Variants in CA2 observed in about 807,000 individuals in gnomAD.
CA2 encodes the protein carbonic anhydrase 2.
CA2 carries 23 observed loss-of-function variants against 27.8 expected under a neutral mutation model. The ratio of observed to expected loss-of-function variants is 0.83; its 90% CI spans 0.59 to 1.17. The LOEUF is 1.17. CA2 is among the 50% of genes most tolerant of loss of function. The probability of loss-of-function intolerance (pLI) is 0.00; values close to 1 mark genes in which losing one functional copy is unlikely to be tolerated. For missense variants in CA2, 300 were observed against 314.7 expected, an observed-to-expected ratio of 0.95 and a Z score of 0.35; for synonymous variants, 99 against 114.9, an observed-to-expected ratio of 0.86 and a Z score of 0.88.
chr8:85,471,722 G>A (rs1010623300), intron 2 of CA2, among the ~76,000 whole-genome samples: 7 of 151,598 alleles, frequency 4.6e-5, no homozygotes, highest in African/African-American at 1.7e-4. Context: ...GCTTTAAAGA[G>A]TTATTATAAA....
intron 1 of CA2, 197 bp downstream of exon 1, chr8:85,464,312 T>G: frequency 2.1e-6 from 1 of 479,460 alleles, no homozygotes. Context: ...GATGTCCCCC[T>G]TGCCCCAGCT....
chr8:85,472,810 G>T (rs1012456956), intron 2 of CA2, among the ~76,000 whole-genome samples: 2 of 151,862 alleles, frequency 1.3e-5, no homozygotes, highest in Non-Finnish European at 2.9e-5. Context: ...GGGAAACAAG[G>T]CAAGACTCTG....
Position 85,465,256 on chromosome 8 carries a change from G to A in CA2, c.35-16G>A, listed in dbSNP as rs1229793820. 1 of 1,606,414 alleles carries A rather than the reference G, an allele frequency of 6.2e-7. No individual in the cohort carries two copies. The highest frequency in any genetic ancestry group is 8.5e-7 in the Non-Finnish European group (1 of 1,173,038). On this transcript the variant is annotated splice_polypyrimidine_tract_variant and intron_variant, in intron 1 of 6. Coordinates refer to ENST00000285379, the MANE Select transcript of CA2 (RefSeq NM_000067.3). Reference sequence around the variant, plus strand: ...TTTCCCCACAATGGGGGATTCACATGTCTTCTTTCCCCCAGGACCTGAGCA... The same window carrying A: ...TTTCCCCACAATGGGGGATTCACATATCTTCTTTCCCCCAGGACCTGAGCA...
chr8:85,467,331 AG>A (rs1811645240), intron 2 of CA2, among the ~76,000 whole-genome samples: 1 of 152,196 alleles, frequency 6.6e-6, no homozygotes, highest in Non-Finnish European at 1.5e-5. Context: ...AGACTTTGGG[AG>A]TAATACTGTC....
intron 4 of CA2, chr8:85,474,656 A>T: frequency 3.8e-6 from 2 of 523,182 alleles, no homozygotes; most frequent in Non-Finnish European, 6.9e-6. Context: ...GAACATAAAG[A>T]GATCAACTTG....
Position 85,473,631 on chromosome 8 carries a change from G to A in CA2, c.233-62G>A. ...TGTGTATGTATGTGTGTATACCTATGTATATATGTGTATGCAGATACATAC... is the reference window on the plus strand; with the variant it reads ...TGTGTATGTATGTGTGTATACCTATATATATATGTGTATGCAGATACATAC... On this transcript the variant is annotated intron_variant, in intron 2 of 6. Coordinates refer to ENST00000285379, the MANE Select transcript of CA2 (RefSeq NM_000067.3). 1.4e-5 allele frequency: 11 copies of A among 783,702 alleles called. No individual in the cohort carries two copies. In the South Asian group the frequency reaches 1.5e-4, roughly 11 times the overall value. 48.5% of individuals were successfully genotyped at this position (783,702 alleles called of 1,614,324 possible).
chr8:85,474,056 T>A, intron 3 of CA2: 2 of 605,102 alleles, frequency 3.3e-6, no homozygotes, highest in Non-Finnish European at 5.8e-6. Flanking sequence ...TGGAGGATCC[T>A]GTTTTAACAG....
At chr8:85,470,588 A>G (rs1811700606) in intron 2 of CA2, among the ~76,000 whole-genome samples, 3 of 152,164 alleles carry the variant, frequency 2.0e-5, no homozygotes, top group Admixed American at 6.5e-5. Flanking sequence ...TTTAATTTGT[A>G]TAAGTAATGT....
At chr8:85,477,005 A>C in intron 5 of CA2, 115 bp from the exon 6 acceptor site, 1 of 976,728 alleles carries the variant, frequency 1.0e-6, no homozygotes, top group East Asian at 2.4e-5. Context: ...CCTCTTTTTT[A>C]AAAAGTGTTT....
At chr8:85,465,867 C>A (rs569172447) in intron 2 of CA2, among the ~76,000 whole-genome samples, 7 of 152,098 alleles carry the variant, frequency 4.6e-5, no homozygotes, top group Non-Finnish European at 8.8e-5. Context: ...TCTTAGTGAG[C>A]CTTATCTTCA....
Position 85,474,009 on chromosome 8 carries a change from C to T in CA2, c.351+198C>T, listed in dbSNP as rs1586015160. ...GCTGCAAAACTTTCTCTACTGTCTCCAACTCCACCATTTGCAAAAAGTAAA... is the reference window on the plus strand; with the variant it reads ...GCTGCAAAACTTTCTCTACTGTCTCTAACTCCACCATTTGCAAAAAGTAAA... On this transcript the variant is annotated intron_variant, in intron 3 of 6. Coordinates refer to ENST00000285379, the MANE Select transcript of CA2 (RefSeq NM_000067.3). The T allele has an allele frequency of 4.9e-6, 3 of 611,678 alleles. No homozygotes were observed. The East Asian group carries it at 8.3e-5, about 17-fold the overall frequency. 37.9% of individuals were successfully genotyped at this position (611,678 alleles called of 1,614,324 possible).
At chr8:85,472,035 C>A (rs1217694548) in intron 2 of CA2, among the ~76,000 whole-genome samples, 1 of 152,096 alleles carries the variant, frequency 6.6e-6, no homozygotes, top group Non-Finnish European at 1.5e-5. Context: ...GCAGATCTGG[C>A]AGCCAGAGGT....
chr8:85,464,165 GAT>G, intron 1 of CA2, 50 bp downstream of exon 1: 2 of 1,478,238 alleles, frequency 1.4e-6, no homozygotes, highest in Non-Finnish European at 9.1e-7. Flanking sequence ...CCCGATCCCC[GAT>G]CCCCGATCCC....
At chr8:85,464,912 A>G (rs571031455) in intron 1 of CA2, 1 of 258,536 alleles carries the variant, frequency 3.9e-6, no homozygotes, top group South Asian at 4.7e-5. Flanking sequence ...GTGAGCTTGC[A>G]TATCCCAAAA....
chr8:85,466,681 C>CACACACACACATACAT (rs1811636340), intron 2 of CA2, among the ~76,000 whole-genome samples: 1 of 24,742 alleles, frequency 4.0e-5, no homozygotes, highest in Non-Finnish European at 8.8e-5. Flanking sequence ...TACATACATA[C>CACACACACACATACAT]ACACACACAC....
At chr8:85,464,677 C>T (rs750427946) in intron 1 of CA2, 1 of 153,942 alleles carries the variant, frequency 6.5e-6, no homozygotes, top group Non-Finnish European at 1.4e-5. Flanking sequence ...CTTCATCTCT[C>T]GACTTCTAAT....
intron 4 of CA2, among the ~76,000 whole-genome samples, chr8:85,474,927 A>G (rs1308431437): frequency 6.6e-6 from 1 of 152,156 alleles, no homozygotes; most frequent in African/African-American, 2.4e-5. Context: ...GTACAGCACG[A>G]AGAGGGAGAT....
chr8:85,471,073 T>C (rs1458420184), intron 2 of CA2, among the ~76,000 whole-genome samples: 1 of 152,152 alleles, frequency 6.6e-6, no homozygotes, highest in East Asian at 1.9e-4. Context: ...AGATCCAGAA[T>C]ATAGCATAAA....
At position 85,477,223 on chromosome 8, in the gene CA2, A is replaced by T; in HGVS notation, c.611A>T (p.Glu204Val). ...PGSLTTPPLL[E>V]CVTWIVLKEP... ...TCACTGACCACCCCTCCTCTTCTGG[A>T]ATGTGTGACCTGGATTGTGCTCAAG... The change falls in exon 6 of 7, where the codon GAA becomes GTA. Residue 204 changes from glutamate (E) to valine (V), a missense_variant. Glu to Val is a moderately radical substitution (Grantham distance 121). Coordinates refer to ENST00000285379, the MANE Select transcript of CA2 (RefSeq NM_000067.3). The T allele has an allele frequency of 6.2e-7, 1 of 1,614,028 alleles. No homozygotes were observed. Among genetic ancestry groups the T allele is most frequent in the Non-Finnish European group, 8.5e-7 (1 of 1,179,976 alleles).
Sources: allele counts gnomAD v4.1 joint callset (sites outside exome capture counted in the v4.1 genomes callset), GRCh38; gene constraint gnomAD v4.1.1; transcripts MANE v1.5; gene names NCBI Gene and HGNC (gene_info 2026-07-23, HGNC 2026-07-21).